BDP1: variants seen among roughly 807,000 people sequenced by gnomAD.
BDP1 encodes the protein transcription factor TFIIIB component B'' homolog.
In BDP1, 169 loss-of-function variants were observed where a neutral mutation model predicts 266.6. The observed-to-expected ratio is 0.63, with a 90% CI of 0.56 to 0.72. The LOEUF (loss-of-function observed/expected upper bound fraction) is 0.72. Ranked by LOEUF, BDP1 falls within the 30% of genes least tolerant of loss-of-function variation. The pLI, the probability that BDP1 is intolerant of heterozygous loss-of-function variation, is 0.00. For synonymous variants in BDP1, 1,090 were observed against 1,022.4 expected (o/e 1.07, Z -1.26); for missense variants, 3,015 against 3,053.8 (o/e 0.99, Z 0.30).
At position 71,522,841 on chromosome 5, in the gene BDP1, A is replaced by G; in HGVS notation, c.5279A>G (p.Asp1760Gly). 6.2e-7 allele frequency: 1 copy of G among 1,614,000 alleles called. No individual in the cohort carries two copies. The highest frequency in any genetic ancestry group is 8.5e-7 in the Non-Finnish European group (1 of 1,179,934). ...GSKESALAKI[D>G]AELEEVGPSR... ...AAAGAGTCTGCTTTGGCAAAAATAG[A>G]TGCGGAATTAGAAGAAGTTGGACCA... Residue 1760 changes from aspartate (D) to glycine (G), a missense_variant, in exon 24 of 39, where the codon GAT becomes GGT. By Grantham distance (94) the Asp-to-Gly change is moderately conservative. Around this residue, in one of 3 missense-constraint regions of BDP1, gnomAD observed 2,383 missense variants for 2,404.9 expected, o/e 0.99. Transcript: ENST00000358731.
At chr5:71,525,395 ACCCCCCCACC>A (rs1765752042) in intron 25 of BDP1, among the ~76,000 whole-genome samples, 1 of 93,622 alleles carries the variant, frequency 1.1e-5, no homozygotes, top group African/African-American at 4.1e-5. Flanking sequence ...CGGGGGGCTG[ACCCCCCCACC>A]TCCCTCCCGG....
chr5:71,559,883 T>G, intron 36 of BDP1, 99 bp from the exon 37 acceptor site: 1 of 1,241,222 alleles, frequency 8.1e-7, no homozygotes, highest in East Asian at 2.3e-5. Flanking sequence ...TTAGGGTAGG[T>G]TTATTATAGA....
Position 71,464,040 on chromosome 5 carries a change from G to C in BDP1, c.600-18G>C, listed in dbSNP as rs752316726. 173 of 1,402,226 alleles carry C rather than the reference G, an allele frequency of 1.2e-4. No homozygotes were observed. Among genetic ancestry groups the C allele is most frequent in the Non-Finnish European group, 1.6e-4 (169 of 1,025,260 alleles). 86.9% of individuals were successfully genotyped at this position (1,402,226 alleles called of 1,614,324 possible). On this transcript the variant is annotated intron_variant, in intron 3 of 38. Transcript: ENST00000358731. ...AAATTAATAATTTATTAAAGATATTGTTATTTATGTTCAATAGTTCTTCAC... is the reference window on the plus strand; with the variant it reads ...AAATTAATAATTTATTAAAGATATTCTTATTTATGTTCAATAGTTCTTCAC...
In BDP1 at chr5:71,513,183, A is replaced by G. The variant is rs1417273834; in HGVS notation, c.4248-2A>G. 1 of 1,609,474 alleles carries G rather than the reference A, an allele frequency of 6.2e-7. No homozygotes were observed. Among genetic ancestry groups the G allele is most frequent in the African/African-American group, 1.3e-5 (1 of 74,552 alleles). On this transcript the variant is annotated splice_acceptor_variant, in intron 18 of 38. Coordinates refer to ENST00000358731, the MANE Select transcript of BDP1 (RefSeq NM_018429.3). LOFTEE classifies it high-confidence loss of function. ...AAAGCTTGATAATCCTTGTTCCAAA[A>G]GCAAATCTCTTCCTCAAGAACAGAA... is the stretch of plus-strand genomic sequence containing the variant.
At chr5:71,456,241 T>G (rs1761178988) in intron 1 of BDP1, 152 bp downstream of exon 1, 2 of 721,032 alleles carry the variant, frequency 2.8e-6, no homozygotes, top group Admixed American at 5.8e-5. Flanking sequence ...CAAACTGCAG[T>G]TTAGTTGTCT....
At position 71,524,049 on chromosome 5, in the gene BDP1, A is replaced by T; in HGVS notation, c.5498A>T (p.His1833Leu). ...AGAAATCGTGGTGAAAGGAGAAGTC[A>T]TAAAAAGTTCAAACCAAATGTCACC... ...YERNRGERRS[H>L]KKFKPNVTRG... Residue 1833 changes from histidine (H) to leucine (L), a missense_variant, in exon 25 of 39, where the codon CAT becomes CTT. Transcript: ENST00000358731. 6.2e-7 allele frequency: 1 copy of T among 1,614,246 alleles called. No homozygotes were observed. The highest frequency in any genetic ancestry group is 8.5e-7 in the Non-Finnish European group (1 of 1,180,056).
Position 71,513,345 on chromosome 5 carries a change from A to G in BDP1, c.4408A>G (p.Lys1470Glu). 2 of 1,604,720 alleles carry G rather than the reference A, an allele frequency of 1.2e-6. No individual in the cohort carries two copies. Among genetic ancestry groups the G allele is most frequent in the Non-Finnish European group, 1.7e-6 (2 of 1,174,608 alleles). Residue 1470 changes from lysine to glutamate, a missense_variant, in exon 19 of 39, where the codon AAA becomes GAA. This residue lies in a region of BDP1 where 2,383 missense variants were observed against 2,404.9 expected (regional missense o/e 0.99). Transcript: ENST00000358731. ...YIYEKKSETK[K>E]METIVMQENN... The stretch of plus-strand genomic sequence containing the variant: ...ATATGAGAAGAAATCAGAAACCAAG[A>G]AAATGGAGACTATTGTGATGCAAGA...
At chr5:71,539,451 T>A (rs1225101498) in intron 27 of BDP1, 106 bp from the exon 28 acceptor site, 1 of 785,058 alleles carries the variant, frequency 1.3e-6, no homozygotes, top group East Asian at 2.6e-5. Context: ...TCAGAGGATA[T>A]TGGAATCTGC....
At chr5:71,550,312 G>T (rs550078020) in intron 34 of BDP1, among the ~76,000 whole-genome samples, 1 of 152,218 alleles carries the variant, frequency 6.6e-6, no homozygotes, top group Non-Finnish European at 1.5e-5. Context: ...CTTGAACCCG[G>T]GAGGTGGAAG....
chr5:71,509,755 T>G lies in BDP1; in HGVS notation c.2663T>G (p.Ile888Ser), dbSNP rs746806133. The G allele has an allele frequency of 2.2e-5, 35 of 1,614,006 alleles. No homozygotes were observed. The African/African-American group carries it at 4.5e-4, about 21-fold the overall frequency. ...AGAGCCATTTCTCCCAGGGAGAAGA[T>G]TCTAGATGTGATTGATGACACCATA... ...GRRAISPREK[I>S]LDVIDDTIEM... The change falls in exon 17 of 39, where the codon ATT becomes AGT. Residue 888 changes from isoleucine (I) to serine (S), a missense_variant. By Grantham distance (142) the Ile-to-Ser change is moderately radical. Transcript: ENST00000358731.
chr5:71,519,287 C>T (rs2150499039), intron 22 of BDP1, among the ~76,000 whole-genome samples: 1 of 135,172 alleles, frequency 7.4e-6, no homozygotes, highest in African/African-American at 2.5e-5. Context: ...ACTGGGATAT[C>T]CATCACTTCA....
At chr5:71,469,823 G>T (rs1762127870) in intron 6 of BDP1, among the ~76,000 whole-genome samples, 2 of 147,062 alleles carry the variant, frequency 1.4e-5, no homozygotes, top group East Asian at 2.0e-4. Flanking sequence ...CACCATGTTG[G>T]CCCGGCTGGT....
chr5:71,563,943 G>C (rs770586793), intron 38 of BDP1, among the ~76,000 whole-genome samples: 1 of 152,062 alleles, frequency 6.6e-6, no homozygotes, highest in South Asian at 2.1e-4. Context: ...ACCTACCTCC[G>C]TCCAGAATTA....
intron 26 of BDP1, among the ~76,000 whole-genome samples, chr5:71,535,428 C>A (rs1453935515): frequency 6.6e-6 from 1 of 152,082 alleles, no homozygotes; most frequent in Non-Finnish European, 1.5e-5. Flanking sequence ...TGGTCTCGAA[C>A]TTCTGACCTC....
chr5:71,461,959 T>TC (rs11438356), intron 3 of BDP1, 33 bp downstream of exon 3: 56 of 202,482 alleles, frequency 2.8e-4, no homozygotes, highest in Non-Finnish European at 3.8e-4. Flanking sequence ...TTACTATCTC[T>TC]TTTTTTTTTT....
intron 6 of BDP1, among the ~76,000 whole-genome samples, chr5:71,467,897 T>A (rs986734953): frequency 6.6e-6 from 1 of 152,140 alleles, no homozygotes; most frequent in African/African-American, 2.4e-5. Context: ...TGGAGTGCAG[T>A]GAAACTATCT....
Position 71,490,997 on chromosome 5 carries a change from T to C in BDP1, c.1506T>C (p.Ala502=), listed in dbSNP as rs745349704. 9 of 1,607,286 alleles carry C rather than the reference T, an allele frequency of 5.6e-6. No homozygotes were observed. Among genetic ancestry groups the C allele is most frequent in the Non-Finnish European group, 7.6e-6 (9 of 1,177,382 alleles). Residue 502 remains alanine (A), a synonymous_variant, in exon 11 of 39, where the codon GCT becomes GCC. Coordinates refer to ENST00000358731, the MANE Select transcript of BDP1 (RefSeq NM_018429.3). ...KGEKHKNKCQ[A]IRPELKEGEC... ...TTGTATTTGTAGATAAATGTCAGGC[T>C]ATAAGGCCTGAGCTAAAGGAAGGTG...
intron 32 of BDP1, among the ~76,000 whole-genome samples, chr5:71,548,080 T>G (rs1481232246): frequency 6.6e-6 from 1 of 151,838 alleles, no homozygotes; most frequent in African/African-American, 2.4e-5. Context: ...CCCAGGAGTT[T>G]GAGACCAGCC....
At chr5:71,480,999 C>T (rs957522564) in intron 7 of BDP1, among the ~76,000 whole-genome samples, 1 of 152,056 alleles carries the variant, frequency 6.6e-6, no homozygotes, top group Non-Finnish European at 1.5e-5. Flanking sequence ...ACACAGAAAC[C>T]CTGTCTCTAC....
Sources: gnomAD v4.1 joint callset for allele counts (sites outside exome capture counted in the v4.1 genomes callset) on GRCh38, gnomAD v4.1.1 for gene constraint, gnomAD v4.1.1 regional missense constraint, MANE v1.5 for transcripts, NCBI Gene and HGNC (gene_info 2026-07-23, HGNC 2026-07-21) for gene names.